C9: variants seen among roughly 807,000 people sequenced by gnomAD.
C9 encodes the protein complement C9, also known as complement component C9.
C9 carries 63 observed loss-of-function variants against 65.4 expected under a neutral mutation model. That is an observed-to-expected ratio of 0.96 (90% CI 0.79 to 1.19). The LOEUF is 1.19. Ranked by LOEUF, C9 falls within the 50% of genes most tolerant of loss-of-function variation. The probability of loss-of-function intolerance (pLI) is 0.00; values close to 1 mark genes in which losing one functional copy is unlikely to be tolerated. For missense variants in C9, 744 were observed against 670.1 expected (o/e 1.11, Z -1.22); for synonymous variants, 229 against 227.9 (o/e 1.00, Z -0.04).
At chr5:39,335,032 A>G (rs1416826525) in intron 4 of C9, among the ~76,000 whole-genome samples, 1 of 151,562 alleles carries the variant, frequency 6.6e-6, no homozygotes, top group East Asian at 1.9e-4. Flanking sequence ...TTTTTGTATC[A>G]CTAAGGTTTT....
chr5:39,363,479 A>G (rs1754557122), intron 1 of C9, among the ~76,000 whole-genome samples: 1 of 152,214 alleles, frequency 6.6e-6, no homozygotes, highest in Non-Finnish European at 1.5e-5. Flanking sequence ...GAGTCAAATG[A>G]CTAATGAGGA....
At chr5:39,320,387 C>G (rs912745905) in intron 5 of C9, among the ~76,000 whole-genome samples, 25 of 152,076 alleles carry the variant, frequency 1.6e-4, no homozygotes, top group African/African-American at 6.0e-4. Flanking sequence ...AAGAACAGAG[C>G]TGAAAAATTT....
chr5:39,286,908 A>T (rs1014826478), intron 10 of C9, among the ~76,000 whole-genome samples: 1 of 152,018 alleles, frequency 6.6e-6, no homozygotes, highest in Non-Finnish European at 1.5e-5. Context: ...TTAAAAATTT[A>T]TATTGTAAGA....
intron 8 of C9, among the ~76,000 whole-genome samples, chr5:39,307,253 C>T (rs566525871): frequency 2.0e-5 from 3 of 152,218 alleles, no homozygotes; most frequent in Non-Finnish European, 2.9e-5. Context: ...CAAATCCTAC[C>T]CATCGTTTCC....
intron 8 of C9, among the ~76,000 whole-genome samples, 153 bp downstream of exon 8, chr5:39,308,077 G>A (rs73076602): frequency 0.011 from 1,643 of 152,210 alleles, 29 homozygotes; most frequent in African/African-American, 0.038. Flanking sequence ...ATGCGCTATC[G>A]GTGTTTATAG....
intron 4 of C9, among the ~76,000 whole-genome samples, chr5:39,339,722 T>G (rs1754037882): frequency 7.1e-6 from 1 of 141,686 alleles, no homozygotes; most frequent in Non-Finnish European, 1.5e-5. Flanking sequence ...TGCAGTGGCA[T>G]GATCTCGGCT....
At chr5:39,311,463 G>A in intron 6 of C9, 86 bp from the exon 7 acceptor site, 1 of 1,328,342 alleles carries the variant, frequency 7.5e-7, no homozygotes. Context: ...AACTTCCATA[G>A]GCACTAAATG....
At chr5:39,335,732 A>T (rs962811315) in intron 4 of C9, among the ~76,000 whole-genome samples, 3 of 152,114 alleles carry the variant, frequency 2.0e-5, no homozygotes, top group African/African-American at 7.2e-5. Context: ...GTGCCAAATG[A>T]GGGGTACATG....
chr5:39,348,749 T>C (rs906380627), intron 1 of C9, among the ~76,000 whole-genome samples: 9 of 152,172 alleles, frequency 5.9e-5, no homozygotes, highest in Non-Finnish European at 1.2e-4. Flanking sequence ...CTATTCACAA[T>C]AGCAAAGACT....
chr5:39,343,513 A>G (rs992402247), intron 1 of C9, among the ~76,000 whole-genome samples: 1 of 152,170 alleles, frequency 6.6e-6, no homozygotes, highest in African/African-American at 2.4e-5. Context: ...GAATATGTAA[A>G]CAAAGCAGCC....
Position 39,355,064 on chromosome 5 carries a change from C to T in C9, c.77+9324G>A, listed in dbSNP as rs555410107. ...TTTTGTCTATTACTTTTGTATTTGT[C>T]GTTTACTTAGATGAATATGTTAACA... On this transcript the variant is annotated intron_variant, in intron 1 of 10. Coordinates refer to ENST00000263408, the MANE Select transcript of C9 (RefSeq NM_001737.5). 7.9e-5 allele frequency among the ~76,000 whole-genome samples: 12 copies of T among 152,256 alleles called. No homozygotes were observed. The South Asian group carries it at 2.1e-3, about 26-fold the overall frequency.
Position 39,338,452 on chromosome 5 carries a change from G to A in C9, c.476+2694C>T, listed in dbSNP as rs191830316. On this transcript the variant is annotated intron_variant, in intron 4 of 10. Coordinates refer to ENST00000263408, the MANE Select transcript of C9 (RefSeq NM_001737.5). ...TTCACTCAGTTCTTATCTATAAAATGAATATAATACCTCCTCTAACAATCT... is the reference window on the plus strand; with the variant it reads ...TTCACTCAGTTCTTATCTATAAAATAAATATAATACCTCCTCTAACAATCT... Among the ~76,000 whole-genome samples, 414 of 152,224 alleles carry A rather than the reference G, an allele frequency of 2.7e-3. 2 individuals are homozygous for A. Among genetic ancestry groups the A allele is most frequent in the Middle Eastern group, 0.01 (3 of 294 alleles).
Position 39,341,559 on chromosome 5 carries a change from T to C in C9, c.325A>G (p.Thr109Ala), listed in dbSNP as rs2111953988. ...GCAATTCAAGCACAAAGATTACCTG[T>C]ACTGCATTGAAAGTCATTTCCGCAG... Reference protein sequence around the residue: ...DDCGNDFQCSTGRCIKMRLRC... With the variant: ...DDCGNDFQCSAGRCIKMRLRC... Residue 109 changes from threonine (T) to alanine (A), a missense_variant, in exon 3 of 11, where the codon ACA (threonine) becomes GCA (alanine). Transcript: ENST00000263408. 2 of 1,613,968 alleles carry C rather than the reference T, an allele frequency of 1.2e-6. No individual in the cohort carries two copies. Among genetic ancestry groups the C allele is most frequent in the East Asian group, 2.2e-5 (1 of 44,878 alleles).
At chr5:39,332,165 G>C (rs1023387377) in intron 4 of C9, among the ~76,000 whole-genome samples, 2 of 152,190 alleles carry the variant, frequency 1.3e-5, no homozygotes, top group South Asian at 2.1e-4. Context: ...AACTGATGCT[G>C]TAATACCAAC....
intron 9 of C9, among the ~76,000 whole-genome samples, 187 bp downstream of exon 9, chr5:39,306,430 T>C (rs1187457622): frequency 1.3e-5 from 2 of 152,034 alleles, no homozygotes; most frequent in East Asian, 3.9e-4. Flanking sequence ...AGACAGGAAG[T>C]CAGCCAGGAT....
chr5:39,336,941 G>A (rs1265971568), intron 4 of C9, among the ~76,000 whole-genome samples: 1 of 151,822 alleles, frequency 6.6e-6, no homozygotes, highest in East Asian at 1.9e-4. Flanking sequence ...ACTTCAAGGT[G>A]TCAGAGTCCA....
At chr5:39,314,851 C>T (rs1250889353) in intron 6 of C9, among the ~76,000 whole-genome samples, 2 of 152,146 alleles carry the variant, frequency 1.3e-5, no homozygotes, top group African/African-American at 4.8e-5. Context: ...TTAATACTTT[C>T]TAAATACCAT....
chr5:39,325,973 T>C (rs2111917639), intron 5 of C9, among the ~76,000 whole-genome samples: 1 of 152,282 alleles, frequency 6.6e-6, no homozygotes, highest in East Asian at 1.9e-4. Context: ...CACTCCTTCT[T>C]TGGTAGATTT....
chr5:39,287,704 T>C (rs1424046298), intron 10 of C9, among the ~76,000 whole-genome samples: 2 of 152,018 alleles, frequency 1.3e-5, no homozygotes, highest in South Asian at 2.1e-4. Context: ...GTCATTATCC[T>C]AAGTGAAATA....
Sources: gnomAD v4.1 joint callset for allele counts (sites outside exome capture counted in the v4.1 genomes callset) on GRCh38, gnomAD v4.1.1 for gene constraint, MANE v1.5 for transcripts, NCBI Gene and HGNC (gene_info 2026-07-23, HGNC 2026-07-21) for gene names.